TUSC3: variants seen among roughly 807,000 people sequenced by gnomAD.
The protein encoded by TUSC3 is dolichyl-diphosphooligosaccharide--protein glycosyltransferase subunit TUSC3.
Under a neutral mutation model 44.8 loss-of-function variants are expected in TUSC3, and 45 were observed. That is an observed-to-expected ratio of 1.00 (90% CI 0.79 to 1.29). The LOEUF (loss-of-function observed/expected upper bound fraction) is 1.29. Among genes scored for constraint, TUSC3 ranks in the 50% most tolerant of loss-of-function variants. TUSC3 has a pLI of 0.00. For synonymous variants in TUSC3, 212 were observed against 152.9 expected, an observed-to-expected ratio of 1.39 and a Z score of -2.85; for missense variants, 519 against 437.9, an observed-to-expected ratio of 1.19 and a Z score of -1.65.
chr8:15,606,645 C>A (rs1222263755), intron 1 of TUSC3, among the ~76,000 whole-genome samples: 1 of 151,990 alleles, frequency 6.6e-6, no homozygotes, highest in Non-Finnish European at 1.5e-5. Flanking sequence ...AATCAGATTC[C>A]TCTCTGTAGG....
At chr8:15,782,927 G>A in the TUSC3 span, among the ~76,000 whole-genome samples, 4 of 152,032 alleles carry the variant, frequency 2.6e-5, no homozygotes, top group Admixed American at 2.6e-4. Context: ...AAGGAAGAGC[G>A]AATTGTGTCT....
At chr8:15,661,172 C>T (rs941628113) in intron 4 of TUSC3, among the ~76,000 whole-genome samples, 1 of 151,886 alleles carries the variant, frequency 6.6e-6, no homozygotes, top group African/African-American at 2.4e-5. Context: ...ATAAGCAAAG[C>T]AGTTATCAAC....
chr8:15,677,986 G>C (rs1271798063), intron 6 of TUSC3, among the ~76,000 whole-genome samples: 3 of 152,172 alleles, frequency 2.0e-5, no homozygotes, highest in Non-Finnish European at 2.9e-5. Context: ...AGTTCATATT[G>C]GAGGTTAAGG....
chr8:15,822,068 G>A, the TUSC3 span, among the ~76,000 whole-genome samples: 3 of 152,104 alleles, frequency 2.0e-5, no homozygotes, highest in Non-Finnish European at 4.4e-5. Flanking sequence ...GAAGTTTCTG[G>A]TGAATCAGAT....
chr8:15,568,047 T>C (rs577727364), intron 1 of TUSC3, among the ~76,000 whole-genome samples: 74 of 152,284 alleles, frequency 4.9e-4, no homozygotes, highest in African/African-American at 1.7e-3. Flanking sequence ...GCTACACATA[T>C]TACTCATTCC....
the TUSC3 span, among the ~76,000 whole-genome samples, chr8:15,846,728 G>C: frequency 3.3e-5 from 5 of 152,078 alleles, no homozygotes; most frequent in African/African-American, 7.2e-5. Flanking sequence ...GTGGGGTGAA[G>C]GGCTAGGGGA....
At chr8:15,447,092 A>G (rs569812606) in intron 1 of TUSC3, among the ~76,000 whole-genome samples, 5 of 152,210 alleles carry the variant, frequency 3.3e-5, no homozygotes, top group Admixed American at 6.5e-5. Flanking sequence ...AAAGATGACA[A>G]GATGACAATA....
the TUSC3 span, among the ~76,000 whole-genome samples, chr8:15,833,356 G>A: frequency 6.6e-6 from 1 of 152,124 alleles, no homozygotes; most frequent in African/African-American, 2.4e-5. Context: ...TCTCATTACT[G>A]GGTATATACC....
chr8:15,689,978 G>A (rs539328142), intron 6 of TUSC3, among the ~76,000 whole-genome samples: 3 of 151,964 alleles, frequency 2.0e-5, no homozygotes, highest in South Asian at 2.1e-4. Context: ...GCACATACAC[G>A]TCTGTGTGTC....
chr8:15,726,264 G>A (rs1017936491), intron 6 of TUSC3, among the ~76,000 whole-genome samples: 9 of 151,762 alleles, frequency 5.9e-5, no homozygotes, highest in African/African-American at 2.2e-4. Flanking sequence ...CATATAAGAG[G>A]TATAGAAACA....
intron 5 of TUSC3, among the ~76,000 whole-genome samples, chr8:15,671,552 C>G (rs1161570376): frequency 6.6e-6 from 1 of 152,012 alleles, no homozygotes; most frequent in Non-Finnish European, 1.5e-5. Context: ...ACATTTGCCA[C>G]TACTTCAGAT....
chr8:15,646,849 T>C (rs975442328), intron 2 of TUSC3, among the ~76,000 whole-genome samples: 2 of 152,134 alleles, frequency 1.3e-5, no homozygotes, highest in Admixed American at 6.5e-5. Context: ...AGTAAACTTA[T>C]CTTTACATTC....
chr8:15,458,445 C>T (rs978432785), intron 1 of TUSC3, among the ~76,000 whole-genome samples: 1 of 152,066 alleles, frequency 6.6e-6, no homozygotes. Context: ...CACCATGTTG[C>T]GCAGGCTGGT....
At chr8:15,638,174 CG>C (rs1452626238) in intron 2 of TUSC3, among the ~76,000 whole-genome samples, 3 of 152,210 alleles carry the variant, frequency 2.0e-5, no homozygotes, top group African/African-American at 7.2e-5. Context: ...CGCCGCCCCC[CG>C]TATTTCGCCT....
intron 1 of TUSC3, among the ~76,000 whole-genome samples, chr8:15,443,479 G>A (rs1800049462): frequency 1.3e-5 from 2 of 151,882 alleles, no homozygotes; most frequent in Non-Finnish European, 2.9e-5. Flanking sequence ...GATTACAAGA[G>A]TGGTGAAACC....
At chr8:15,427,871 G>A (rs752101720) in intron 1 of TUSC3, among the ~76,000 whole-genome samples, 2 of 152,082 alleles carry the variant, frequency 1.3e-5, no homozygotes, top group Non-Finnish European at 2.9e-5. Flanking sequence ...TCTGGTAGTT[G>A]TACAGTTTCA....
intron 9 of TUSC3, among the ~76,000 whole-genome samples, chr8:15,750,619 A>T (rs552052976): frequency 9.2e-5 from 14 of 151,952 alleles, no homozygotes; most frequent in Non-Finnish European, 1.6e-4. Context: ...CGGAGGCTGG[A>T]CATAGAAACT....
At chr8:15,438,868 A>G (rs1304071233) in intron 1 of TUSC3, among the ~76,000 whole-genome samples, 1 of 152,210 alleles carries the variant, frequency 6.6e-6, no homozygotes, top group East Asian at 1.9e-4. Flanking sequence ...TGGGAAACAC[A>G]CAGTACATTC....
At position 15,673,766 on chromosome 8, in the gene TUSC3, C is replaced by T; in HGVS notation, c.728C>T (p.Thr243Ile). The change falls in exon 6 of 11, where the codon ACT becomes ATT. Residue 243 changes from threonine to isoleucine, a missense_variant. Physicochemically the swap from Thr to Ile is moderately conservative, Grantham distance 89 (BLOSUM62 -1). Transcript: ENST00000503731. ...MVSLCIVFAMTSGQMWNHIRG... is the reference protein window; with the variant it reads ...MVSLCIVFAMISGQMWNHIRG... Reference sequence around the variant, plus strand: ...TTTCAGTGTATAGTCTTTGCTATGACTTCTGGCCAGATGTGGAACCATATC... The same window carrying T: ...TTTCAGTGTATAGTCTTTGCTATGATTTCTGGCCAGATGTGGAACCATATC... The T allele has an allele frequency of 1.2e-6, 2 of 1,612,810 alleles. No individual in the cohort carries two copies. Among genetic ancestry groups the T allele is most frequent in the South Asian group, 1.1e-5 (1 of 91,066 alleles).
Sources: gnomAD v4.1 joint callset for allele counts (sites outside exome capture counted in the v4.1 genomes callset) on GRCh38, gnomAD v4.1.1 for gene constraint, MANE v1.5 for transcripts, NCBI Gene and HGNC (gene_info 2026-07-23, HGNC 2026-07-21) for gene names.